MDGA2: variants seen among roughly 807,000 people sequenced by gnomAD.
MDGA2 encodes the protein MAM domain containing glycosylphosphatidylinositol anchor 2, also known as MAM domain-containing glycosylphosphatidylinositol anchor protein 2.
MDGA2 carries 40 observed loss-of-function variants against 117.8 expected under a neutral mutation model. That is an observed-to-expected ratio of 0.34 (90% CI 0.26 to 0.44). The LOEUF (loss-of-function observed/expected upper bound fraction) is 0.44, where lower values mean the gene tolerates loss of function less well. Among genes scored for constraint, MDGA2 ranks in the 20% least tolerant of loss-of-function variants. The pLI is 1.00. For synonymous variants in MDGA2, 452 were observed against 439.0 expected, an observed-to-expected ratio of 1.03 and a Z score of -0.37; for missense variants, 1,123 against 1,250.6, an observed-to-expected ratio of 0.90 and a Z score of 1.54.
intron 1 of MDGA2, among the ~76,000 whole-genome samples, chr14:47,392,158 C>A (rs1322564487): frequency 6.6e-6 from 1 of 151,594 alleles, no homozygotes; most frequent in African/African-American, 2.4e-5. Context: ...AATGAATGTA[C>A]AAGAAAATAA....
chr14:46,914,871 A>G (rs1000874370), intron 10 of MDGA2, among the ~76,000 whole-genome samples: 1 of 152,176 alleles, frequency 6.6e-6, no homozygotes, highest in African/African-American at 2.4e-5. Flanking sequence ...GTATAGGCTA[A>G]AAATAGAAAT....
intron 3 of MDGA2, among the ~76,000 whole-genome samples, chr14:47,172,390 G>A (rs1884193642): frequency 6.6e-6 from 1 of 151,868 alleles, no homozygotes; most frequent in African/African-American, 2.4e-5. Flanking sequence ...CTAACTGGGA[G>A]GCACCCCCAA....
At chr14:47,537,780 C>G (rs1594905976) in intron 1 of MDGA2, among the ~76,000 whole-genome samples, 1 of 152,110 alleles carries the variant, frequency 6.6e-6, no homozygotes, top group East Asian at 1.9e-4. Flanking sequence ...CCTACTTCAG[C>G]TACCACATTA....
At position 46,891,905 on chromosome 14, in the gene MDGA2, C is replaced by G. The variant is rs571709745; in HGVS notation, c.2239-9684G>C. ...ATTTGAACTTTTGCAAGTTTCCTAT[C>G]TAAACTTACAAAAGTAAATGTGTTA... On this transcript the variant is annotated intron_variant, in intron 10 of 16. Transcript: ENST00000399232. 7.9e-4 allele frequency among the ~76,000 whole-genome samples: 119 copies of G among 151,380 alleles called. 1 individual carries two copies. Among genetic ancestry groups the G allele is most frequent in the Non-Finnish European group, 1.5e-3 (101 of 67,718 alleles).
At chr14:47,603,848 T>C (rs1896692050) in intron 1 of MDGA2, among the ~76,000 whole-genome samples, 1 of 152,172 alleles carries the variant, frequency 6.6e-6, no homozygotes, top group Non-Finnish European at 1.5e-5. Context: ...TAACGAGTGC[T>C]TTCTATTTGT....
chr14:46,974,835 G>A (rs774649383), intron 8 of MDGA2, among the ~76,000 whole-genome samples: 2 of 151,890 alleles, frequency 1.3e-5, no homozygotes, highest in African/African-American at 4.8e-5. Flanking sequence ...GACACTAAAG[G>A]CATGGATGAC....
chr14:47,365,334 G>A lies in MDGA2; in HGVS notation c.281-63784C>T, dbSNP rs527984774. On this transcript the variant is annotated intron_variant, in intron 1 of 16. Coordinates refer to ENST00000399232, the MANE Select transcript of MDGA2 (RefSeq NM_001113498.3). ...GGTTCTCCCGTGGAAGCTGAAGCTT[G>A]CAGTATGCACAGCTGCTAAGGCGGA... 2.5e-3 allele frequency among the ~76,000 whole-genome samples: 380 copies of A among 152,352 alleles called. 2 individuals carry two copies. Among genetic ancestry groups the A allele is most frequent in the African/African-American group, 8.9e-3 (371 of 41,590 alleles).
rs926532795 is a variant in MDGA2 at position 47,294,254 on chromosome 14, C to T, written c.420+7157G>A. Among the ~76,000 whole-genome samples the T allele has an allele frequency of 3.9e-5, 6 of 151,972 alleles. No individual in the cohort carries two copies. The South Asian group carries it at 1.2e-3, about 32-fold the overall frequency. On this transcript the variant is annotated intron_variant, in intron 2 of 16. Coordinates refer to ENST00000399232, the MANE Select transcript of MDGA2 (RefSeq NM_001113498.3). ...GGAACTACAGGCAAATGTCACCACA[C>T]CTGGCTAATTTTTTTATTTCTTTGT...
At chr14:46,918,985 A>G (rs900831560) in intron 10 of MDGA2, among the ~76,000 whole-genome samples, 3 of 151,998 alleles carry the variant, frequency 2.0e-5, no homozygotes, top group African/African-American at 4.8e-5. Flanking sequence ...GATGGTCTCA[A>G]TCTCCTGACC....
intron 1 of MDGA2, among the ~76,000 whole-genome samples, chr14:47,536,701 G>A (rs1895218845): frequency 6.6e-6 from 1 of 152,174 alleles, no homozygotes; most frequent in South Asian, 2.1e-4. Flanking sequence ...TTGAGATGGA[G>A]TCTCGCTCTA....
At chr14:47,506,001 A>G (rs1894503566) in intron 1 of MDGA2, among the ~76,000 whole-genome samples, 1 of 152,190 alleles carries the variant, frequency 6.6e-6, no homozygotes, top group South Asian at 2.1e-4. Context: ...GTGGACAAAA[A>G]GTTTGTAGGA....
intron 6 of MDGA2, among the ~76,000 whole-genome samples, chr14:47,066,538 A>G (rs1890088197): frequency 6.6e-6 from 1 of 152,200 alleles, no homozygotes; most frequent in Non-Finnish European, 1.5e-5. Context: ...TTCTGTACAC[A>G]ACACAAGAAA....
At chr14:47,036,735 T>C (rs1191762453) in intron 7 of MDGA2, among the ~76,000 whole-genome samples, 1 of 152,232 alleles carries the variant, frequency 6.6e-6, no homozygotes, top group Non-Finnish European at 1.5e-5. Context: ...AAACCAAACA[T>C]AATTATGTTT....
Position 47,451,591 on chromosome 14 carries a change from A to G in MDGA2, c.281-150041T>C, listed in dbSNP as rs545887381. ...TGACAGTCTACCAAGATGAGAAAAT[A>G]GATGCATTTAATGGGCCAAAAACCT... On this transcript the variant is annotated intron_variant, in intron 1 of 16. Transcript: ENST00000399232. Among the ~76,000 whole-genome samples, 3 of 152,250 alleles carry G rather than the reference A, an allele frequency of 2.0e-5. No individual in the cohort carries two copies. In the East Asian group the frequency reaches 5.8e-4, roughly 29 times the overall value.
chr14:47,108,288 T>C (rs983184447), intron 5 of MDGA2, among the ~76,000 whole-genome samples: 8 of 152,178 alleles, frequency 5.3e-5, no homozygotes, highest in African/African-American at 1.9e-4. Flanking sequence ...TTGTTTTATT[T>C]TTCTTATTAA....
chr14:47,100,441 T>C (rs1015368604), intron 5 of MDGA2, among the ~76,000 whole-genome samples: 10 of 152,128 alleles, frequency 6.6e-5, no homozygotes, highest in Non-Finnish European at 1.5e-4. Context: ...GTTAATTGAA[T>C]TATCTCATTA....
At chr14:46,908,752 A>G (rs1297969878) in intron 10 of MDGA2, among the ~76,000 whole-genome samples, 1 of 152,206 alleles carries the variant, frequency 6.6e-6, no homozygotes, top group African/African-American at 2.4e-5. Flanking sequence ...CTTACCTCAT[A>G]TAGTTTTTAA....
chr14:47,469,404 G>T (rs960732845), intron 1 of MDGA2, among the ~76,000 whole-genome samples: 2 of 152,144 alleles, frequency 1.3e-5, no homozygotes, highest in African/African-American at 4.8e-5. Flanking sequence ...AATATGCGGT[G>T]TTTGGTTTTT....
At chr14:47,154,879 A>T (rs1460455261) in intron 3 of MDGA2, among the ~76,000 whole-genome samples, 1 of 152,164 alleles carries the variant, frequency 6.6e-6, no homozygotes, top group Non-Finnish European at 1.5e-5. Context: ...ACTCTGTAGC[A>T]TGGGGCCTAG....
Sources: gnomAD v4.1 joint callset for allele counts (sites outside exome capture counted in the v4.1 genomes callset) on GRCh38, gnomAD v4.1.1 for gene constraint, MANE v1.5 for transcripts, NCBI Gene and HGNC (gene_info 2026-07-23, HGNC 2026-07-21) for gene names.